FBXL18: variants seen among roughly 807,000 people sequenced by gnomAD.
FBXL18 encodes F-box and leucine rich repeat protein 18.
Under a neutral mutation model 46.0 loss-of-function variants are expected in FBXL18, and 36 were observed. The ratio of observed to expected loss-of-function variants is 0.78; its 90% CI spans 0.60 to 1.03. The LOEUF (loss-of-function observed/expected upper bound fraction) is 1.03. Ranked by LOEUF, FBXL18 falls within the 50% of genes least tolerant of loss-of-function variation. FBXL18 has a pLI of 0.00. For synonymous variants in FBXL18, 557 were observed against 465.3 expected (o/e 1.20, Z -2.54); for missense variants, 977 against 1,004.1 (o/e 0.97, Z 0.36).
rs2128236614 is a variant in FBXL18, at chr7:5,496,621, C to T, written c.1781+3867G>A. On this transcript the variant is annotated intron_variant, in intron 3 of 4. Coordinates refer to ENST00000382368, the MANE Select transcript of FBXL18 (RefSeq NM_024963.6). The surrounding 1 kb of genome is among the most constrained non-coding windows in gnomAD (Gnocchi z 4.8). The stretch of plus-strand genomic sequence containing the variant: ...TCCGGACCGGGCACAGTGGCTCACA[C>T]CTGTGATCCCAGCCCTTTGGGCGGC... 6.6e-6 allele frequency among the ~76,000 whole-genome samples: 1 copy of T among 152,354 alleles called. No homozygotes were observed. The highest frequency in any genetic ancestry group is 1.9e-4 in the East Asian group (1 of 5,184).
chr7:5,511,245 G>C (rs1784523171), intron 1 of FBXL18, among the ~76,000 whole-genome samples: 1 of 151,556 alleles, frequency 6.6e-6, no homozygotes, highest in Non-Finnish European at 1.5e-5. Context: ...GACCATCCTG[G>C]CTAACACGGT....
intron 2 of FBXL18, among the ~76,000 whole-genome samples, chr7:5,504,526 G>A (rs1784344953): frequency 6.9e-6 from 1 of 144,746 alleles, no homozygotes; most frequent in African/African-American, 2.5e-5. Context: ...GGCTGGTCTC[G>A]AACTACTGAC....
chr7:5,456,910 C>G (rs934108298), intron 4 of FBXL18, among the ~76,000 whole-genome samples: 1 of 152,194 alleles, frequency 6.6e-6, no homozygotes, highest in Admixed American at 6.5e-5. Flanking sequence ...ATTACAGGTG[C>G]ACGCCACCAT....
intron 3 of FBXL18, among the ~76,000 whole-genome samples, chr7:5,493,223 T>C (rs1783976430): frequency 6.6e-6 from 1 of 152,108 alleles, no homozygotes; most frequent in Non-Finnish European, 1.5e-5. Flanking sequence ...TACTCCCAGC[T>C]ACTCGGGAAG....
intron 4 of FBXL18, among the ~76,000 whole-genome samples, chr7:5,487,390 G>C (rs1783802918): frequency 6.6e-6 from 1 of 152,212 alleles, no homozygotes; most frequent in South Asian, 2.1e-4. Flanking sequence ...CAGCTTATGT[G>C]AGCACAGAGG....
intron 4 of FBXL18, among the ~76,000 whole-genome samples, chr7:5,463,720 ATTTATTTATTTTTTTTTT>A (rs1783293595): frequency 3.2e-5 from 2 of 63,290 alleles, no homozygotes; most frequent in African/African-American, 6.7e-5. Flanking sequence ...TTATTTATTT[ATTTATTTATTTTTTTTTT>A]TTTTTTTTTT....
downstream of FBXL18, among the ~76,000 whole-genome samples, chr7:5,474,679 CTTTATTTTTTATTTA>C (rs1419926552): frequency 5.7e-3 from 746 of 129,782 alleles, 5 homozygotes; most frequent in East Asian, 0.013. Context: ...AAATTATGCA[CTTTATTTTTTATTTA>C]TTTATTTATT....
At chr7:5,486,657 A>AAAAGAAAAAG (rs946112169) in intron 4 of FBXL18, among the ~76,000 whole-genome samples, 1 of 152,158 alleles carries the variant, frequency 6.6e-6, no homozygotes. Context: ...TGTCTCTAAA[A>AAAAGAAAAAG]AAAGAAAAAG....
intron 3 of FBXL18, among the ~76,000 whole-genome samples, chr7:5,499,338 CG>C (rs1232142120): frequency 3.2e-3 from 7 of 2,204 alleles, no homozygotes; most frequent in South Asian, 0.017. Flanking sequence ...CCCTCTGAAC[CG>C]ACTGCTCTCT....
At chr7:5,466,627 C>T (rs1783344564) in intron 4 of FBXL18, among the ~76,000 whole-genome samples, 2 of 152,240 alleles carry the variant, frequency 1.3e-5, no homozygotes, top group Admixed American at 1.3e-4. Context: ...TCCGCAACTT[C>T]CGTTCCCCTC....
At chr7:5,470,085 G>A (rs1783404649) in intron 4 of FBXL18, among the ~76,000 whole-genome samples, 1 of 152,110 alleles carries the variant, frequency 6.6e-6, no homozygotes, top group South Asian at 2.1e-4. Flanking sequence ...TGCGGGCGTG[G>A]GTGAGGGACT....
At chr7:5,457,526 G>A (rs1415202413) in intron 4 of FBXL18, among the ~76,000 whole-genome samples, 8 of 152,200 alleles carry the variant, frequency 5.3e-5, no homozygotes, top group Admixed American at 5.2e-4. Context: ...TGCAACAGGT[G>A]GTGGGAGTGA....
At chr7:5,461,506 G>A (rs192055663) in intron 4 of FBXL18, among the ~76,000 whole-genome samples, 20 of 152,344 alleles carry the variant, frequency 1.3e-4, no homozygotes, top group Non-Finnish European at 2.9e-4. Context: ...TACCAGGTGT[G>A]GTGGTGAGTG....
rs574318922 is a variant in FBXL18, at chr7:5,480,188, C to T, written c.*1587G>A. Among the ~76,000 whole-genome samples, 13 of 152,286 alleles carry T rather than the reference C, an allele frequency of 8.5e-5. No individual in the cohort carries two copies. The highest frequency in any genetic ancestry group is 3.3e-4 in the Admixed American group (5 of 15,288). ...AAATGTGAGACACCACCCCACAGGA[C>T]GGGGCATCTGTCACACGGAAACCCA... On this transcript the variant is annotated 3_prime_UTR_variant, in exon 5 of 5. Transcript: ENST00000382368.
At chr7:5,463,653 G>A (rs1338686913) in intron 4 of FBXL18, among the ~76,000 whole-genome samples, 1 of 145,728 alleles carries the variant, frequency 6.9e-6, no homozygotes, top group Non-Finnish European at 1.5e-5. Flanking sequence ...AATGGATGGT[G>A]GTGATGATTG....
chr7:5,505,347 T>C (rs1584241495), intron 2 of FBXL18, 65 bp downstream of exon 2: 9 of 1,460,244 alleles, frequency 6.2e-6, no homozygotes, highest in African/African-American at 2.8e-5. Context: ...ACTGCAGGGC[T>C]GTGCCCAGTC....
intron 4 of FBXL18, among the ~76,000 whole-genome samples, chr7:5,454,501 C>T (rs2128230294): frequency 6.6e-6 from 1 of 151,170 alleles, no homozygotes; most frequent in South Asian, 2.1e-4. Context: ...TTTTTTTTCT[C>T]ACGTGAGTAA....
chr7:5,501,549 G>A lies in FBXL18; in HGVS notation c.720C>T (p.Gly240=), dbSNP rs1027524962. The change falls in exon 3 of 5, where the codon GGC becomes GGT. Residue 240 remains glycine, a synonymous_variant. Transcript: ENST00000382368. ...GCCGCACCACCTCCTGGTTGATGTA[G>A]CCGGGGGCCAGGCGCGCATAGAAGA... ...LRVFYARLAP[G]YINQEVVRLY... The A allele has an allele frequency of 6.2e-7, 1 of 1,613,934 alleles. No individual in the cohort carries two copies. Among genetic ancestry groups the A allele is most frequent in the Non-Finnish European group, 8.5e-7 (1 of 1,180,016 alleles).
chr7:5,511,973 C>A (rs192024937), intron 1 of FBXL18, among the ~76,000 whole-genome samples: 1 of 151,586 alleles, frequency 6.6e-6, no homozygotes, highest in Non-Finnish European at 1.5e-5. Flanking sequence ...CAGTGGCTCA[C>A]GCCTGTAATC....
Sources: gnomAD v4.1 joint callset for allele counts (sites outside exome capture counted in the v4.1 genomes callset) on GRCh38, gnomAD v4.1.1 for gene constraint, Gnocchi (gnomAD v3.1) non-coding constraint, MANE v1.5 for transcripts, NCBI Gene and HGNC (gene_info 2026-07-23, HGNC 2026-07-21) for gene names.